Variants in TMEM170B observed in about 807,000 individuals in gnomAD.
TMEM170B encodes the protein transmembrane protein 170B.
A neutral mutation model predicts 13.0 loss-of-function variants in TMEM170B; 6 were observed. That is an observed-to-expected ratio of 0.46 (90% CI 0.25 to 0.91). TMEM170B has a LOEUF of 0.91. Among genes scored for constraint, TMEM170B ranks in the 40% least tolerant of loss-of-function variants. The pLI, the probability that TMEM170B is intolerant of heterozygous loss-of-function variation, is 0.17. For missense variants in TMEM170B, 138 were observed against 165.2 expected, an observed-to-expected ratio of 0.84 and a Z score of 0.90; for synonymous variants, 61 against 64.9, an observed-to-expected ratio of 0.94 and a Z score of 0.29.
rs751475304 is a variant in TMEM170B, at chr6:11,538,429, TCTC to T, written c.97+58_97+60del. ...GATGCGGTCCGCCCCTCTCCTGTCTTCTCCTTCCTCGGGAGGGGACACGCTCCT... is the reference window on the plus strand; with the variant it reads ...GATGCGGTCCGCCCCTCTCCTGTCTTCTTCCTCGGGAGGGGACACGCTCCT... On this transcript the variant is annotated intron_variant, in intron 1 of 2. Transcript: ENST00000379426. 3.6e-4 allele frequency: 470 copies of T among 1,323,318 alleles called. 1 individual carries two copies. The highest frequency in any genetic ancestry group is 5.5e-4 in the South Asian group (39 of 70,900). 82.0% of individuals were successfully genotyped at this position (1,323,318 alleles called of 1,614,324 possible).
chr6:11,571,570 T>C (rs529056339), intron 2 of TMEM170B, among the ~76,000 whole-genome samples: 2 of 152,182 alleles, frequency 1.3e-5, no homozygotes, highest in Non-Finnish European at 2.9e-5. Context: ...TTTGCCACTG[T>C]TGACAGTGGC....
At chr6:11,545,276 C>CTGTG (rs1287095672) in intron 1 of TMEM170B, among the ~76,000 whole-genome samples, 2 of 91,126 alleles carry the variant, frequency 2.2e-5, no homozygotes, top group Non-Finnish European at 5.2e-5. Context: ...CTCTCTCTCT[C>CTGTG]TCTCTGTGTG....
chr6:11,547,267 TCA>T (rs991267421), intron 1 of TMEM170B, among the ~76,000 whole-genome samples: 6 of 152,180 alleles, frequency 3.9e-5, no homozygotes, highest in African/African-American at 1.4e-4. Flanking sequence ...TTGGAATTGT[TCA>T]CATTCATACT....
Position 11,572,827 on chromosome 6 carries a change from A to G in TMEM170B, c.269-2604A>G, listed in dbSNP as rs1286490924. On this transcript the variant is annotated intron_variant, in intron 2 of 2. Transcript: ENST00000379426. The stretch of plus-strand genomic sequence containing the variant: ...TACATACACACATACATATGTATGT[A>G]TGTACTAGTAGAGAATATGTATTGT... Among the ~76,000 whole-genome samples the G allele has an allele frequency of 2.6e-5, 4 of 152,226 alleles. No individual in the cohort carries two copies. The South Asian group carries it at 6.2e-4, about 24-fold the overall frequency.
At chr6:11,574,858 C>G (rs935872613) in intron 2 of TMEM170B, among the ~76,000 whole-genome samples, 1 of 152,098 alleles carries the variant, frequency 6.6e-6, no homozygotes, top group Non-Finnish European at 1.5e-5. Context: ...CTCCAAATAA[C>G]TTAGAGTCGG....
At chr6:11,541,125 G>A (rs536319641) in intron 1 of TMEM170B, among the ~76,000 whole-genome samples, 5 of 152,268 alleles carry the variant, frequency 3.3e-5, no homozygotes, top group Admixed American at 2.0e-4. Context: ...CGCCAGAATG[G>A]TAAATGAGCA....
chr6:11,551,862 AC>A (rs1413845759), intron 1 of TMEM170B, among the ~76,000 whole-genome samples: 2 of 152,212 alleles, frequency 1.3e-5, no homozygotes. Flanking sequence ...ATGGGTTGGT[AC>A]TACCAGGACA....
chr6:11,573,634 C>T (rs1269994159), intron 2 of TMEM170B, among the ~76,000 whole-genome samples: 1 of 152,142 alleles, frequency 6.6e-6, no homozygotes, highest in African/African-American at 2.4e-5. Context: ...AAGCATGCAA[C>T]GTTTGAATTG....
At chr6:11,548,841 C>T (rs553549081) in intron 1 of TMEM170B, among the ~76,000 whole-genome samples, 30 of 149,234 alleles carry the variant, frequency 2.0e-4, no homozygotes, top group South Asian at 8.5e-4. Context: ...CCAAAGATCG[C>T]GTGCTCTCAC....
chr6:11,541,089 G>A (rs1759354226), intron 1 of TMEM170B, among the ~76,000 whole-genome samples: 1 of 152,012 alleles, frequency 6.6e-6, no homozygotes, highest in South Asian at 2.1e-4. Context: ...GCACAGCCAG[G>A]GTAGATTTAG....
intron 1 of TMEM170B, among the ~76,000 whole-genome samples, chr6:11,553,002 G>A (rs1759544929): frequency 6.6e-6 from 1 of 152,136 alleles, no homozygotes; most frequent in African/African-American, 2.4e-5. Flanking sequence ...AATTCGCCAT[G>A]CCGCCTGGGC....
chr6:11,548,076 G>A (rs934661328), intron 1 of TMEM170B, among the ~76,000 whole-genome samples: 4 of 152,178 alleles, frequency 2.6e-5, no homozygotes, highest in African/African-American at 9.6e-5. Flanking sequence ...CCAAAATTGA[G>A]AAATGGGATC....
chr6:11,554,657 C>A (rs1348854780), intron 1 of TMEM170B, among the ~76,000 whole-genome samples: 1 of 151,924 alleles, frequency 6.6e-6, no homozygotes. Context: ...TTGTTATTTA[C>A]AGTTTGAAAT....
Position 11,578,717 on chromosome 6 carries a change from T to A in TMEM170B, c.*3156T>A, listed in dbSNP as rs1295510505. 6.6e-6 allele frequency: 1 copy of A among 152,178 alleles called. No individual in the cohort carries two copies. The highest frequency in any genetic ancestry group is 1.5e-5 in the Non-Finnish European group (1 of 68,012). 9.4% of individuals were successfully genotyped at this position (152,178 alleles called of 1,614,324 possible). A position where few individuals can be genotyped will look rare whatever the true frequency, so the allele number is the denominator to read the frequency against. On this transcript the variant is annotated 3_prime_UTR_variant, in exon 3 of 3. Transcript: ENST00000379426. ...GTTACCCAATATACTTTCTTAGTAT[T>A]TGCAGCATACATTTCACTGCTCAAA...
rs559821432 is a variant in TMEM170B, at chr6:11,577,587, A to G, written c.*2026A>G. The G allele has an allele frequency of 6.6e-6, 1 of 152,240 alleles. No homozygotes were observed. Among genetic ancestry groups the G allele is most frequent in the African/African-American group, 2.4e-5 (1 of 41,568 alleles). The allele number at this position is 152,240 out of a possible 1,614,324, so 9.4% of individuals were successfully genotyped here. A position where few individuals can be genotyped will look rare whatever the true frequency, so the allele number is the denominator to read the frequency against. On this transcript the variant is annotated 3_prime_UTR_variant, in exon 3 of 3. Transcript: ENST00000379426. ...ACTTATTTTAACATATGTTTATTTT[A>G]TGATTTAAGAAAGTTATGGTAAAGT...
At position 11,580,951 on chromosome 6, in the gene TMEM170B, TAAG is replaced by T. The variant is rs1308621287; in HGVS notation, c.*5391_*5393del. ...TGGTGACAGGTTTGCTCTTCTCACTTAAGGAGCTCTGGTCTGTGTAGGCAGTAC... is the reference window on the plus strand; with the variant it reads ...TGGTGACAGGTTTGCTCTTCTCACTTGAGCTCTGGTCTGTGTAGGCAGTAC... On this transcript the variant is annotated 3_prime_UTR_variant, in exon 3 of 3. Transcript: ENST00000379426. 6.6e-6 allele frequency: 1 copy of T among 152,186 alleles called. No individual in the cohort carries two copies. The highest frequency in any genetic ancestry group is 2.4e-5 in the African/African-American group (1 of 41,440). The allele number at this position is 152,186 out of a possible 1,614,324, so 9.4% of individuals were successfully genotyped here.
chr6:11,561,506 G>C (rs1350317560), intron 1 of TMEM170B, among the ~76,000 whole-genome samples: 2 of 152,122 alleles, frequency 1.3e-5, no homozygotes, highest in African/African-American at 4.8e-5. Context: ...AATCCAGTAG[G>C]TTTCATGTAT....
rs1759900606 is a variant in TMEM170B at position 11,577,869 on chromosome 6, CA to C, written c.*2309del. The C allele has an allele frequency of 6.6e-6, 1 of 151,856 alleles. No individual in the cohort carries two copies. Among genetic ancestry groups the C allele is most frequent in the Non-Finnish European group, 1.5e-5 (1 of 67,920 alleles). 9.4% of individuals were successfully genotyped at this position (151,856 alleles called of 1,614,324 possible). ...TTTCTTTGCTGTTTTCAGTTATTTCCATTGAGATTTTGTGCAACTGTCTCTC... is the reference window on the plus strand; with the variant it reads ...TTTCTTTGCTGTTTTCAGTTATTTCCTTGAGATTTTGTGCAACTGTCTCTC... On this transcript the variant is annotated 3_prime_UTR_variant, in exon 3 of 3. Coordinates refer to ENST00000379426, the MANE Select transcript of TMEM170B (RefSeq NM_001100829.3).
chr6:11,545,052 T>G (rs1002161918), intron 1 of TMEM170B, among the ~76,000 whole-genome samples: 5 of 152,078 alleles, frequency 3.3e-5, no homozygotes, highest in Non-Finnish European at 7.4e-5. Context: ...GAATTTTTAT[T>G]TAGAAAAGGG....
Sources: allele counts gnomAD v4.1 joint callset (sites outside exome capture counted in the v4.1 genomes callset), GRCh38; gene constraint gnomAD v4.1.1; transcripts MANE v1.5; gene names NCBI Gene and HGNC (gene_info 2026-07-23, HGNC 2026-07-21).